Variants in CHST12 observed in about 807,000 individuals in gnomAD.
CHST12 encodes the protein carbohydrate sulfotransferase 12, also known as carbohydrate (chondroitin 4) sulfotransferase 12.
Under a neutral mutation model 27.9 loss-of-function variants are expected in CHST12, and 23 were observed. The ratio of observed to expected loss-of-function variants is 0.82; its 90% CI spans 0.59 to 1.17. The LOEUF is 1.17. Among genes scored for constraint, CHST12 ranks in the 50% most tolerant of loss-of-function variants. The pLI is 0.00. For synonymous variants in CHST12, 322 were observed against 273.0 expected (o/e 1.18, Z -1.77); for missense variants, 682 against 603.0 (o/e 1.13, Z -1.37).
chr7:2,418,223 G>C (rs1203452211), intron 1 of CHST12, among the ~76,000 whole-genome samples: 2 of 152,248 alleles, frequency 1.3e-5, no homozygotes, highest in Non-Finnish European at 1.5e-5. Flanking sequence ...TGTGAGCAAA[G>C]AAATATTTAA....
In CHST12 at chr7:2,432,864, T is replaced by G. The variant is rs1256355613; in HGVS notation, c.225T>G (p.Ser75Arg). The change falls in exon 2 of 2, where the codon AGT becomes AGG. Residue 75 changes from serine (S) to arginine (R), a missense_variant. By Grantham distance (110) the Ser-to-Arg change is moderately radical (BLOSUM62 -1). Transcript: ENST00000618655. ...DVDEFLDKFL[S>R]AGVKQSDLPR... is the part of the protein sequence containing the mutation. ...ACGAGTTTCTGGACAAGTTTCTCAGTGCTGGCGTGAAGCAGAGCGACCTTC... is the reference window on the plus strand; with the variant it reads ...ACGAGTTTCTGGACAAGTTTCTCAGGGCTGGCGTGAAGCAGAGCGACCTTC... The G allele has an allele frequency of 1.2e-6, 2 of 1,613,754 alleles. No individual in the cohort carries two copies. Among genetic ancestry groups the G allele is most frequent in the Admixed American group, 1.7e-5 (1 of 60,030 alleles).
intron 1 of CHST12, among the ~76,000 whole-genome samples, chr7:2,428,031 C>G (rs932240489): frequency 1.3e-4 from 20 of 151,892 alleles, no homozygotes; most frequent in Admixed American, 6.6e-5. Flanking sequence ...TTTGGATCTC[C>G]TGACCTCGTG....
intron 1 of CHST12, among the ~76,000 whole-genome samples, chr7:2,405,733 G>T (rs1404993089): frequency 2.6e-5 from 4 of 152,138 alleles, no homozygotes; most frequent in Non-Finnish European, 5.9e-5. Flanking sequence ...CTGTAACAGC[G>T]AGGGCAGCCG....
In CHST12 at chr7:2,441,629, G is replaced by T. The variant is rs1454412742; in HGVS notation, c.*7745G>T. 6.6e-6 allele frequency: 1 copy of T among 151,214 alleles called. No individual in the cohort carries two copies. Among genetic ancestry groups the T allele is most frequent in the Non-Finnish European group, 1.5e-5 (1 of 67,934 alleles). The allele number at this position is 151,214 out of a possible 1,614,324, so 9.4% of individuals were successfully genotyped here. On this transcript the variant is annotated 3_prime_UTR_variant, in exon 2 of 2. Coordinates refer to ENST00000618655, the MANE Select transcript of CHST12 (RefSeq NM_018641.5). ...GATCGCTTGAGTCTGGGAGGTCGAG[G>T]CTGCTGTGAGCCATGATTGCACCAC...
At position 2,404,514 on chromosome 7, in the gene CHST12, C is replaced by T. The variant is rs183580881; in HGVS notation, c.-78+841C>T. ...AGGCGCGGTGCTGGACGCAGTACAT[C>T]TTCCAGGACACCAGGCCCTACGGTG... On this transcript the variant is annotated intron_variant, in intron 1 of 1. Coordinates refer to ENST00000618655, the MANE Select transcript of CHST12 (RefSeq NM_018641.5). 4.6e-5 allele frequency among the ~76,000 whole-genome samples: 7 copies of T among 152,368 alleles called. No individual in the cohort carries two copies. In the East Asian group the frequency reaches 1.4e-3, roughly 29 times the overall value.
rs1782485496 is a variant in CHST12, at chr7:2,436,831, G to A, written c.*2947G>A. 6.6e-6 allele frequency: 1 copy of A among 152,202 alleles called. No homozygotes were observed. The highest frequency in any genetic ancestry group is 1.5e-5 in the Non-Finnish European group (1 of 68,052). The allele number at this position is 152,202 out of a possible 1,614,324, so 9.4% of individuals were successfully genotyped here. A position where few individuals can be genotyped will look rare whatever the true frequency, so the allele number is the denominator to read the frequency against. ...GGGGTGTTTGCAGGGATGTGGAGGGGTTCCTGCAGAAGACACCACCCACAT... is the reference window on the plus strand; with the variant it reads ...GGGGTGTTTGCAGGGATGTGGAGGGATTCCTGCAGAAGACACCACCCACAT... On this transcript the variant is annotated 3_prime_UTR_variant, in exon 2 of 2. Coordinates refer to ENST00000618655, the MANE Select transcript of CHST12 (RefSeq NM_018641.5).
At chr7:2,431,711 CACTT>C (rs967495907) in intron 1 of CHST12, among the ~76,000 whole-genome samples, 27 of 152,352 alleles carry the variant, frequency 1.8e-4, no homozygotes, top group Admixed American at 4.6e-4. Context: ...AGCAATGTGC[CACTT>C]ACTTTTGGGA....
intron 1 of CHST12, among the ~76,000 whole-genome samples, chr7:2,418,293 A>T (rs1173951190): frequency 6.6e-6 from 1 of 152,292 alleles, no homozygotes; most frequent in South Asian, 2.1e-4. Context: ...TTGCGTTTAA[A>T]CCTAACCTAA....
chr7:2,429,096 C>T (rs1369428595), intron 1 of CHST12, among the ~76,000 whole-genome samples: 1 of 152,228 alleles, frequency 6.6e-6, no homozygotes, highest in African/African-American at 2.4e-5. Flanking sequence ...CATGTCCGTT[C>T]ATAGGCTCTC....
intron 1 of CHST12, among the ~76,000 whole-genome samples, chr7:2,425,002 T>TC (rs540053768): frequency 6.6e-4 from 101 of 152,030 alleles, no homozygotes; most frequent in African/African-American, 2.2e-3. Flanking sequence ...GGTCAGGAGT[T>TC]CAAGACCAGC....
intron 1 of CHST12, among the ~76,000 whole-genome samples, chr7:2,428,339 C>T (rs79503311): frequency 0.04 from 6,126 of 151,988 alleles, 190 homozygotes; most frequent in East Asian, 0.16. Context: ...GGATTACAGG[C>T]GTCCACCACC....
At chr7:2,425,553 T>A (rs1424541481) in intron 1 of CHST12, among the ~76,000 whole-genome samples, 2 of 152,110 alleles carry the variant, frequency 1.3e-5, no homozygotes, top group Non-Finnish European at 2.9e-5. Context: ...CCACCATTGT[T>A]TCTGGATGTG....
chr7:2,409,237 C>T (rs1262667204), intron 1 of CHST12, among the ~76,000 whole-genome samples: 1 of 152,090 alleles, frequency 6.6e-6, no homozygotes, highest in African/African-American at 2.4e-5. Flanking sequence ...TCGCCTGTCG[C>T]CTTGGGAAGT....
intron 1 of CHST12, among the ~76,000 whole-genome samples, chr7:2,421,227 C>CTTTTTTT (rs60332594): frequency 1.1e-5 from 1 of 92,010 alleles, no homozygotes; most frequent in Non-Finnish European, 2.0e-5. Context: ...CCTGCTAATT[C>CTTTTTTT]TTTTTTTTTT....
intron 1 of CHST12, among the ~76,000 whole-genome samples, chr7:2,415,761 C>T (rs1051841065): frequency 3.3e-5 from 5 of 151,912 alleles, no homozygotes; most frequent in Non-Finnish European, 7.4e-5. Flanking sequence ...TACAGGCGCC[C>T]GCCACCACGC....
chr7:2,428,342 C>T (rs1186075144), intron 1 of CHST12, among the ~76,000 whole-genome samples: 1 of 151,972 alleles, frequency 6.6e-6, no homozygotes, highest in Non-Finnish European at 1.5e-5. Flanking sequence ...TTACAGGCGT[C>T]CACCACCATG....
At chr7:2,423,615 C>A (rs1782034262) in intron 1 of CHST12, among the ~76,000 whole-genome samples, 1 of 152,168 alleles carries the variant, frequency 6.6e-6, no homozygotes. Flanking sequence ...GGCTTCTCTG[C>A]CTCCATCAGG....
Position 2,432,524 on chromosome 7 carries a change from G to A in CHST12, c.-77-39G>A, listed in dbSNP as rs1249345555. On this transcript the variant is annotated intron_variant, in intron 1 of 1. Coordinates refer to ENST00000618655, the MANE Select transcript of CHST12 (RefSeq NM_018641.5). ...AGAAGGCAGGAGTCAGAGCCCCAGT[G>A]CACCTCAGTCATTAACTAGTGTGTC... 3 of 1,197,406 alleles carry A rather than the reference G, an allele frequency of 2.5e-6. No homozygotes were observed. The African/African-American group carries it at 4.6e-5, about 18-fold the overall frequency. 74.2% of individuals were successfully genotyped at this position (1,197,406 alleles called of 1,614,324 possible). A position where few individuals can be genotyped will look rare whatever the true frequency, so the allele number is the denominator to read the frequency against.
At chr7:2,416,639 C>T (rs1781815764) in intron 1 of CHST12, among the ~76,000 whole-genome samples, 1 of 152,082 alleles carries the variant, frequency 6.6e-6, no homozygotes, top group African/African-American at 2.4e-5. Flanking sequence ...GTGTATTTTG[C>T]CAAGGTTAAG....
Sources: gnomAD v4.1 joint callset for allele counts (sites outside exome capture counted in the v4.1 genomes callset) on GRCh38, gnomAD v4.1.1 for gene constraint, MANE v1.5 for transcripts, NCBI Gene and HGNC (gene_info 2026-07-23, HGNC 2026-07-21) for gene names.